Variants in SRRM4 observed in about 807,000 individuals in gnomAD.
SRRM4 encodes the protein serine/arginine repetitive matrix protein 4.
SRRM4 carries 33 observed loss-of-function variants against 68.9 expected under a neutral mutation model. The observed-to-expected ratio is 0.48, with a 90% CI of 0.36 to 0.64. The LOEUF is 0.64. SRRM4 is among the 30% of genes least tolerant of loss of function. The pLI, the probability that SRRM4 is intolerant of heterozygous loss-of-function variation, is 0.00. For synonymous variants in SRRM4, 318 were observed against 318.8 expected (o/e 1.00, Z 0.03); for missense variants, 817 against 827.1 (o/e 0.99, Z 0.15).
intron 6 of SRRM4, among the ~76,000 whole-genome samples, chr12:119,123,942 G>A (rs7135661): frequency 6.6e-6 from 1 of 152,158 alleles, no homozygotes; most frequent in Non-Finnish European, 1.5e-5. Flanking sequence ...CAGGCACTGG[G>A]AAAAGGGCTT....
intron 2 of SRRM4, among the ~76,000 whole-genome samples, chr12:119,108,728 T>C (rs1277015716): frequency 4.6e-5 from 7 of 152,148 alleles, no homozygotes; most frequent in African/African-American, 1.7e-4. Context: ...GCAGGTGAGA[T>C]GGGTCTCTTG....
At chr12:119,046,138 T>A (rs1953706171) in intron 1 of SRRM4, among the ~76,000 whole-genome samples, 1 of 152,116 alleles carries the variant, frequency 6.6e-6, no homozygotes. Flanking sequence ...CACCATTATA[T>A]CCCAGGGCTG....
intron 1 of SRRM4, among the ~76,000 whole-genome samples, chr12:119,045,338 C>T (rs1241451685): frequency 2.7e-5 from 4 of 147,256 alleles, no homozygotes; most frequent in Non-Finnish European, 6.0e-5. Flanking sequence ...CTTGTTCCTT[C>T]TGACTTAAAT....
intron 1 of SRRM4, among the ~76,000 whole-genome samples, chr12:119,018,873 C>T (rs1953497494): frequency 6.6e-6 from 1 of 152,102 alleles, no homozygotes; most frequent in Admixed American, 6.5e-5. Context: ...CATAAAGACC[C>T]CACTGAAAAT....
At chr12:119,121,888 CG>C (rs1461025865) in intron 5 of SRRM4, among the ~76,000 whole-genome samples, 181 bp from the exon 6 acceptor site, 1 of 152,164 alleles carries the variant, frequency 6.6e-6, no homozygotes, top group Non-Finnish European at 1.5e-5. Context: ...GTGTGTGCGT[CG>C]GTATCCCTAG....
chr12:119,027,196 A>G (rs1296653678), intron 1 of SRRM4, among the ~76,000 whole-genome samples: 3 of 152,162 alleles, frequency 2.0e-5, no homozygotes, highest in African/African-American at 7.2e-5. Context: ...AACTAAACCA[A>G]CACTGGATCA....
chr12:119,001,412 G>C (rs965197176), intron 1 of SRRM4: 2 of 152,318 alleles, frequency 1.3e-5, no homozygotes, highest in Admixed American at 6.5e-5. Context: ...AGGAAGCTTA[G>C]TACCAACCTC....
chr12:119,093,624 G>A lies in SRRM4; in HGVS notation c.132-8612G>A, dbSNP rs551247371. Among the ~76,000 whole-genome samples the A allele has an allele frequency of 5.3e-5, 8 of 152,296 alleles. No individual in the cohort carries two copies. In the South Asian group the frequency reaches 1.7e-3, roughly 32 times the overall value. ...TCCCCAGGGGACCCTGGGCTGGAAG[G>A]AGAGATGATATTCTTGCCCATGGTG... On this transcript the variant is annotated intron_variant, in intron 1 of 12. Transcript: ENST00000267260.
intron 1 of SRRM4, among the ~76,000 whole-genome samples, chr12:119,011,977 G>T (rs764583391): frequency 6.6e-6 from 1 of 152,192 alleles, no homozygotes; most frequent in Non-Finnish European, 1.5e-5. Flanking sequence ...ATTAAGTAAG[G>T]TAACATCTGC....
chr12:119,098,020 A>G (rs1157698191), intron 1 of SRRM4, among the ~76,000 whole-genome samples: 1 of 152,206 alleles, frequency 6.6e-6, no homozygotes, highest in Non-Finnish European at 1.5e-5. Flanking sequence ...CCACCTTGAC[A>G]TAGTAATAAT....
chr12:119,053,952 T>C (rs1953761112), intron 1 of SRRM4, among the ~76,000 whole-genome samples: 1 of 152,204 alleles, frequency 6.6e-6, no homozygotes, highest in Non-Finnish European at 1.5e-5. Flanking sequence ...AGTCACCCCA[T>C]TGTGCTGTCA....
intron 1 of SRRM4, among the ~76,000 whole-genome samples, chr12:119,032,842 C>T (rs1053021825): frequency 3.3e-5 from 5 of 152,058 alleles, no homozygotes; most frequent in African/African-American, 1.2e-4. Context: ...AATTTTCTGT[C>T]TCTTATGTTA....
intron 1 of SRRM4, among the ~76,000 whole-genome samples, chr12:119,071,465 C>T (rs926047552): frequency 6.6e-6 from 1 of 152,204 alleles, no homozygotes; most frequent in African/African-American, 2.4e-5. Context: ...ACACAGTAAA[C>T]AGCTGCCATC....
Position 119,066,256 on chromosome 12 carries a change from T to C in SRRM4, c.132-35980T>C, listed in dbSNP as rs1953845351. On this transcript the variant is annotated intron_variant, in intron 1 of 12. Coordinates refer to ENST00000267260, the MANE Select transcript of SRRM4 (RefSeq NM_194286.4). ...ATGTGCCAAGTACTGTAATAAACCTTGTACTTGATCTACTGTAAATACACA... is the reference window on the plus strand; with the variant it reads ...ATGTGCCAAGTACTGTAATAAACCTCGTACTTGATCTACTGTAAATACACA... Among the ~76,000 whole-genome samples, 3 of 152,102 alleles carry C rather than the reference T, an allele frequency of 2.0e-5. No homozygotes were observed. In the South Asian group the frequency reaches 6.2e-4, roughly 32 times the overall value.
intron 1 of SRRM4, among the ~76,000 whole-genome samples, chr12:119,013,587 T>C (rs976854850): frequency 2.6e-5 from 4 of 152,348 alleles, no homozygotes; most frequent in Middle Eastern, 3.4e-3. Context: ...GAAAATACAA[T>C]GTATTATGCT....
chr12:119,082,411 A>C (rs943522803), intron 1 of SRRM4, among the ~76,000 whole-genome samples: 7 of 152,208 alleles, frequency 4.6e-5, no homozygotes, highest in African/African-American at 1.7e-4. Flanking sequence ...CTTTGGCAGA[A>C]AACCTTTGAT....
rs749004511 is a variant in SRRM4 at position 118,981,859 on chromosome 12, C to G, written c.-24C>G. ...TCAGCACTTTGGACAGCGCCCCGGA[C>G]GCCCCGGCCCCTTTGGGTTGGCGAT... is the stretch of plus-strand genomic sequence containing the variant. On this transcript the variant is annotated 5_prime_UTR_variant, in exon 1 of 13. Transcript: ENST00000267260. 4 of 1,608,264 alleles carry G rather than the reference C, an allele frequency of 2.5e-6. No homozygotes were observed. The Admixed American group carries it at 6.7e-5, about 27-fold the overall frequency.
chr12:119,143,947 T>C (rs1442676924), intron 8 of SRRM4, among the ~76,000 whole-genome samples: 1 of 152,108 alleles, frequency 6.6e-6, no homozygotes, highest in Non-Finnish European at 1.5e-5. Context: ...CAGCTAAGCA[T>C]GGTACTGCTG....
chr12:119,138,305 G>A (rs1954343613), intron 8 of SRRM4, among the ~76,000 whole-genome samples: 1 of 152,176 alleles, frequency 6.6e-6, no homozygotes, highest in Non-Finnish European at 1.5e-5. Flanking sequence ...CTGAAACAAA[G>A]CATAACTCGG....
Sources: gnomAD v4.1 joint callset for allele counts (sites outside exome capture counted in the v4.1 genomes callset) on GRCh38, gnomAD v4.1.1 for gene constraint, MANE v1.5 for transcripts, NCBI Gene and HGNC (gene_info 2026-07-23, HGNC 2026-07-21) for gene names.